SPATA16: variants seen among roughly 807,000 people sequenced by gnomAD.
The protein encoded by SPATA16 is spermatogenesis associated 16, also known as spermatogenesis-associated protein 16.
Under a neutral mutation model 63.3 loss-of-function variants are expected in SPATA16, and 36 were observed. The ratio of observed to expected loss-of-function variants is 0.57; its 90% confidence interval spans 0.44 to 0.75. The LOEUF (loss-of-function observed/expected upper bound fraction) is 0.75, where lower values mean the gene tolerates loss of function less well. Ranked by LOEUF, SPATA16 falls within the 30% of genes least tolerant of loss-of-function variation. The probability of loss-of-function intolerance (pLI) is 0.00; values close to 1 mark genes in which losing one functional copy is unlikely to be tolerated. For missense variants in SPATA16, 646 were observed against 679.3 expected, an observed-to-expected ratio of 0.95 and a Z score of 0.54; for synonymous variants, 203 against 216.7, an observed-to-expected ratio of 0.94 and a Z score of 0.56.
At chr3:173,024,208 A>C (rs1735401010) in intron 3 of SPATA16, among the ~76,000 whole-genome samples, 1 of 151,606 alleles carries the variant, frequency 6.6e-6, no homozygotes, top group Non-Finnish European at 1.5e-5. Context: ...ATATCGCAAT[A>C]ATTTAATTTT....
intron 4 of SPATA16, among the ~76,000 whole-genome samples, chr3:172,995,121 A>T (rs1409238921): frequency 6.6e-6 from 1 of 152,092 alleles, no homozygotes; most frequent in Non-Finnish European, 1.5e-5. Context: ...AAAATGTGCA[A>T]TTCTTTTTTA....
intron 5 of SPATA16, among the ~76,000 whole-genome samples, chr3:172,969,691 TGTGG>T (rs1734001699): frequency 6.6e-6 from 1 of 152,170 alleles, no homozygotes; most frequent in African/African-American, 2.4e-5. Flanking sequence ...TAGATTGAGT[TGTGG>T]GTCTCAATTT....
intron 2 of SPATA16, among the ~76,000 whole-genome samples, chr3:173,093,244 C>A (rs1169581982): frequency 6.6e-6 from 1 of 151,982 alleles, no homozygotes; most frequent in African/African-American, 2.4e-5. Flanking sequence ...AAAAAATTGT[C>A]TTTCTTTGCT....
chr3:172,998,552 A>C (rs995226052), intron 4 of SPATA16, among the ~76,000 whole-genome samples: 1 of 152,132 alleles, frequency 6.6e-6, no homozygotes, highest in Admixed American at 6.5e-5. Flanking sequence ...GTCTTATTGT[A>C]TTAGCTAAGA....
rs1254232143 is a variant in SPATA16 at position 173,019,559 on chromosome 3, G to T, written c.775C>A (p.Pro259Thr). ...NHAHRSIVLN[P>T]AYFRNHLRQA... is the part of the protein sequence containing the mutation. Reference sequence around the variant, plus strand: ...CGAAGATGATTCCGGAAATAGGCTGGGTTTAAAACAATGCTCCTGTAAAAA... The same window carrying T: ...CGAAGATGATTCCGGAAATAGGCTGTGTTTAAAACAATGCTCCTGTAAAAA... The change falls in exon 4 of 11, where the codon CCA becomes ACA. Residue 259 changes from proline (P) to threonine (T), a missense_variant. Pro to Thr is a conservative substitution (Grantham distance 38). Coordinates refer to ENST00000351008, the MANE Select transcript of SPATA16 (RefSeq NM_031955.6). The T allele has an allele frequency of 6.2e-7, 1 of 1,613,678 alleles. No individual in the cohort carries two copies. Among genetic ancestry groups the T allele is most frequent in the African/African-American group, 1.3e-5 (1 of 74,836 alleles).
chr3:172,987,303 G>A (rs1734479549), intron 4 of SPATA16, among the ~76,000 whole-genome samples: 1 of 152,162 alleles, frequency 6.6e-6, no homozygotes. Flanking sequence ...TGTTGATGGT[G>A]CCTGGTAAAC....
At chr3:173,111,661 A>G (rs1737752592) in intron 2 of SPATA16, among the ~76,000 whole-genome samples, 1 of 152,220 alleles carries the variant, frequency 6.6e-6, no homozygotes. Context: ...TTCTCAGCAG[A>G]GCAATTATAG....
chr3:173,036,175 G>A (rs1325981567), intron 3 of SPATA16, among the ~76,000 whole-genome samples: 2 of 151,890 alleles, frequency 1.3e-5, no homozygotes, highest in East Asian at 1.9e-4. Context: ...TGGAAGAATG[G>A]CTAACAAATT....
chr3:172,999,108 A>C (rs1163283874), intron 4 of SPATA16, among the ~76,000 whole-genome samples: 1 of 152,162 alleles, frequency 6.6e-6, no homozygotes, highest in Non-Finnish European at 1.5e-5. Flanking sequence ...AATTGTGAAA[A>C]ATTTGTATAA....
At chr3:173,022,944 T>C (rs1167468316) in intron 3 of SPATA16, among the ~76,000 whole-genome samples, 1 of 152,090 alleles carries the variant, frequency 6.6e-6, no homozygotes, top group Non-Finnish European at 1.5e-5. Context: ...GGGCAATGAT[T>C]GCCTACTCCA....
chr3:173,140,029 G>A (rs554265002), intron 1 of SPATA16, among the ~76,000 whole-genome samples: 1 of 152,138 alleles, frequency 6.6e-6, no homozygotes, highest in East Asian at 1.9e-4. Context: ...AACTCCTGCA[G>A]TAAGGATTAA....
chr3:173,095,495 T>G (rs1271646486), intron 2 of SPATA16, among the ~76,000 whole-genome samples: 1 of 152,162 alleles, frequency 6.6e-6, no homozygotes, highest in Non-Finnish European at 1.5e-5. Context: ...TTTCCATTTT[T>G]TTACAGTATT....
chr3:172,990,426 T>C (rs1217830824), intron 4 of SPATA16, among the ~76,000 whole-genome samples: 1 of 152,218 alleles, frequency 6.6e-6, no homozygotes, highest in Non-Finnish European at 1.5e-5. Context: ...TTTTGAGATA[T>C]ATTCCTCCAG....
intron 5 of SPATA16, among the ~76,000 whole-genome samples, chr3:172,976,004 C>T (rs1734151447): frequency 6.6e-6 from 1 of 152,012 alleles, no homozygotes; most frequent in Non-Finnish European, 1.5e-5. Context: ...TGGCTTAGAA[C>T]ATCTTATTCT....
rs539617948 is a variant in SPATA16, at chr3:173,120,782, T to C, written c.-18-3033A>G. The stretch of plus-strand genomic sequence containing the variant: ...CCCAACTCCTCCCACTCCAATTCTC[T>C]TCCCAGATGTCCCTCACTCCGAGCC... On this transcript the variant is annotated intron_variant, in intron 1 of 10. Coordinates refer to ENST00000351008, the MANE Select transcript of SPATA16 (RefSeq NM_031955.6). Among the ~76,000 whole-genome samples the C allele has an allele frequency of 3.3e-5, 5 of 152,278 alleles. No individual in the cohort carries two copies. The East Asian group carries it at 9.6e-4, about 29-fold the overall frequency.
Position 172,916,522 on chromosome 3 carries a change from G to A in SPATA16, c.1339-41C>T, listed in dbSNP as rs747691997. 59 of 1,607,890 alleles carry A rather than the reference G, an allele frequency of 3.7e-5. No homozygotes were observed. In the East Asian group the frequency reaches 1.1e-3, roughly 31 times the overall value. The stretch of plus-strand genomic sequence containing the variant: ...AAGAAATGTTTTAGAACAAAACCAC[G>A]GAAATAGACCTCTCCCCAGGGCTGG... On this transcript the variant is annotated intron_variant, in intron 8 of 10. Coordinates refer to ENST00000351008, the MANE Select transcript of SPATA16 (RefSeq NM_031955.6).
intron 3 of SPATA16, among the ~76,000 whole-genome samples, chr3:173,036,482 T>C (rs1192231561): frequency 6.6e-6 from 1 of 152,028 alleles, no homozygotes; most frequent in Non-Finnish European, 1.5e-5. Context: ...GACCAACAGG[T>C]AATATTACTA....
In SPATA16 at chr3:172,961,044, CTT is replaced by C. The variant is rs1733757335; in HGVS notation, c.934-4222_934-4221del. Among the ~76,000 whole-genome samples, 4 of 71,382 alleles carry C rather than the reference CTT, an allele frequency of 5.6e-5. 1 individual carries two copies. Among genetic ancestry groups the C allele is most frequent in the Non-Finnish European group, 8.8e-5 (3 of 34,170 alleles). 46.8% of individuals were successfully genotyped at this position (71,382 alleles called of 152,430 possible). On this transcript the variant is annotated intron_variant, in intron 5 of 10. Coordinates refer to ENST00000351008, the MANE Select transcript of SPATA16 (RefSeq NM_031955.6). ...TCTCTCTTTCTCTCTTTCTTTCTTTCTTTCTTCTTTCTTTCTTTCTTCTTTCT... is the reference window on the plus strand; with the variant it reads ...TCTCTCTTTCTCTCTTTCTTTCTTTCTCTTCTTTCTTTCTTTCTTCTTTCT...
intron 6 of SPATA16, among the ~76,000 whole-genome samples, chr3:172,953,557 A>G (rs531875219): frequency 1.4e-4 from 22 of 152,322 alleles, no homozygotes; most frequent in Admixed American, 3.9e-4. Flanking sequence ...AACTACACCA[A>G]TAAACAGAAT....
Sources: allele counts gnomAD v4.1 joint callset (sites outside exome capture counted in the v4.1 genomes callset), GRCh38; gene constraint gnomAD v4.1.1; transcripts MANE v1.5; gene names NCBI Gene and HGNC (gene_info 2026-07-23, HGNC 2026-07-21).